PDE11A: variants seen among roughly 807,000 people sequenced by gnomAD.
PDE11A encodes the protein phosphodiesterase 11A.
A neutral mutation model predicts 100.5 loss-of-function variants in PDE11A; 100 were observed. The ratio of observed to expected loss-of-function variants is 1.00; its 90% CI spans 0.85 to 1.18. PDE11A has a LOEUF of 1.18. PDE11A is among the 50% of genes most tolerant of loss of function. The pLI is 0.00. For missense variants in PDE11A, 1,141 were observed against 1,152.6 expected (o/e 0.99, Z 0.15); for synonymous variants, 381 against 420.8 (o/e 0.91, Z 1.16).
intron 5 of PDE11A, among the ~76,000 whole-genome samples, chr2:177,867,890 T>C (rs1301198545): frequency 6.6e-6 from 1 of 152,322 alleles, no homozygotes; most frequent in Middle Eastern, 3.4e-3. Context: ...CAAAGGGTGG[T>C]AACCCAGACA....
intron 13 of PDE11A, among the ~76,000 whole-genome samples, chr2:177,710,881 T>C (rs1387599619): frequency 6.6e-6 from 1 of 152,246 alleles, no homozygotes; most frequent in African/African-American, 2.4e-5. Flanking sequence ...GGCTGACTTG[T>C]TCTAGAGGCT....
At chr2:178,018,796 C>T (rs1356173591) in intron 1 of PDE11A, among the ~76,000 whole-genome samples, 2 of 152,186 alleles carry the variant, frequency 1.3e-5, no homozygotes, top group Non-Finnish European at 2.9e-5. Context: ...AACCCTCCCA[C>T]TCTGGCCTCT....
intron 2 of PDE11A, among the ~76,000 whole-genome samples, chr2:178,012,320 A>T (rs755010494): frequency 3.3e-5 from 5 of 152,204 alleles, no homozygotes. Flanking sequence ...TTGCTTGGGG[A>T]TAAGTGACAA....
intron 12 of PDE11A, among the ~76,000 whole-genome samples, chr2:177,712,365 T>C (rs1051479640): frequency 1.3e-5 from 2 of 149,988 alleles, no homozygotes; most frequent in African/African-American, 5.0e-5. Context: ...TTTTTAACAT[T>C]AAAAGGAGAC....
At chr2:178,027,266 T>C (rs1232114930) in intron 1 of PDE11A, among the ~76,000 whole-genome samples, 3 of 152,116 alleles carry the variant, frequency 2.0e-5, no homozygotes, top group Non-Finnish European at 2.9e-5. Flanking sequence ...ATAGACACAA[T>C]ACCACTAAAA....
chr2:177,665,692 C>G (rs1298554004), intron 18 of PDE11A, among the ~76,000 whole-genome samples: 4 of 150,222 alleles, frequency 2.7e-5, no homozygotes, highest in Non-Finnish European at 4.4e-5. Flanking sequence ...CCTGTTTCTA[C>G]TAAAAATGCA....
chr2:177,742,505 T>G (rs1437423606), intron 10 of PDE11A, among the ~76,000 whole-genome samples: 1 of 152,222 alleles, frequency 6.6e-6, no homozygotes, highest in Non-Finnish European at 1.5e-5. Context: ...GAAGTTGCTG[T>G]GCAGTCAACC....
At chr2:177,858,746 G>A (rs1404134957) in intron 5 of PDE11A, among the ~76,000 whole-genome samples, 1 of 152,120 alleles carries the variant, frequency 6.6e-6, no homozygotes, top group African/African-American at 2.4e-5. Flanking sequence ...CCATTACTGG[G>A]TATATACCCA....
chr2:177,743,642 G>T (rs1438437747), intron 10 of PDE11A, among the ~76,000 whole-genome samples: 1 of 152,178 alleles, frequency 6.6e-6, no homozygotes, highest in East Asian at 1.9e-4. Context: ...TTTTTAAGTG[G>T]CTACCACCTG....
chr2:177,640,458 T>G (rs2080124512), intron 19 of PDE11A, among the ~76,000 whole-genome samples: 1 of 152,222 alleles, frequency 6.6e-6, no homozygotes, highest in African/African-American at 2.4e-5. Context: ...GAAATTCTCA[T>G]GAATTCGTGT....
intron 9 of PDE11A, among the ~76,000 whole-genome samples, chr2:177,795,132 T>C (rs990345382): frequency 6.6e-6 from 1 of 152,206 alleles, no homozygotes; most frequent in African/African-American, 2.4e-5. Flanking sequence ...CTTATTTCAT[T>C]CTACGGGATG....
intron 2 of PDE11A, among the ~76,000 whole-genome samples, chr2:178,092,064 C>A (rs1338110823): frequency 6.6e-6 from 1 of 152,112 alleles, no homozygotes; most frequent in Non-Finnish European, 1.5e-5. Flanking sequence ...ATTTTCCCTA[C>A]TTTTTAAAAA....
At position 177,636,997 on chromosome 2, in the gene PDE11A, G is replaced by A. The variant is rs539508274; in HGVS notation, c.2647-7435C>T. Among the ~76,000 whole-genome samples the A allele has an allele frequency of 3.3e-5, 5 of 152,332 alleles. No homozygotes were observed. In the South Asian group the frequency reaches 1.0e-3, roughly 32 times the overall value. On this transcript the variant is annotated intron_variant, in intron 19 of 19. Coordinates refer to ENST00000286063, the MANE Select transcript of PDE11A (RefSeq NM_016953.4). Reference sequence around the variant, plus strand: ...GCATCTCTGGTAGCAGAGAAGGAAAGACTTCTTCTTGGGCCAAATACATAC... The same window carrying A: ...GCATCTCTGGTAGCAGAGAAGGAAAAACTTCTTCTTGGGCCAAATACATAC...
intron 10 of PDE11A, among the ~76,000 whole-genome samples, chr2:177,761,488 G>C (rs2105490471): frequency 6.6e-6 from 1 of 152,228 alleles, no homozygotes; most frequent in Non-Finnish European, 1.5e-5. Flanking sequence ...GTGATATAAG[G>C]GTTACCAAAT....
intron 2 of PDE11A, among the ~76,000 whole-genome samples, chr2:178,010,076 T>C (rs1463219381): frequency 6.6e-6 from 1 of 152,222 alleles, no homozygotes; most frequent in Non-Finnish European, 1.5e-5. Context: ...TAATAAGTGC[T>C]ACCCTAAGCA....
intron 6 of PDE11A, among the ~76,000 whole-genome samples, chr2:177,825,538 A>G (rs1243059047): frequency 6.6e-6 from 1 of 152,204 alleles, no homozygotes; most frequent in African/African-American, 2.4e-5. Context: ...AGTTCATGTA[A>G]CCATATGAAA....
chr2:177,773,033 T>C (rs1014035688), intron 9 of PDE11A, among the ~76,000 whole-genome samples: 2 of 151,590 alleles, frequency 1.3e-5, no homozygotes, highest in Non-Finnish European at 1.5e-5. Flanking sequence ...TATTTCTTTC[T>C]TTTTTTTTGA....
chr2:177,779,490 G>A (rs1252074522), intron 9 of PDE11A, among the ~76,000 whole-genome samples: 1 of 152,118 alleles, frequency 6.6e-6, no homozygotes, highest in Non-Finnish European at 1.5e-5. Context: ...TCCTGCCACT[G>A]TTTTGTCAAC....
intron 19 of PDE11A, among the ~76,000 whole-genome samples, chr2:177,640,635 C>G (rs192461471): frequency 6.6e-6 from 1 of 152,222 alleles, no homozygotes; most frequent in African/African-American, 2.4e-5. Flanking sequence ...TAAGATTATT[C>G]ATGATTTAAT....
Sources: gnomAD v4.1 joint callset for allele counts (sites outside exome capture counted in the v4.1 genomes callset) on GRCh38, gnomAD v4.1.1 for gene constraint, MANE v1.5 for transcripts, NCBI Gene and HGNC (gene_info 2026-07-23, HGNC 2026-07-21) for gene names.